RNF130: variants seen among roughly 807,000 people sequenced by gnomAD.
The protein encoded by RNF130 is E3 ubiquitin-protein ligase RNF130.
In RNF130, 21 loss-of-function variants were observed where a neutral mutation model predicts 44.6. The observed-to-expected ratio is 0.47, with a 90% CI of 0.33 to 0.68. RNF130 has a LOEUF of 0.68. Ranked by LOEUF, RNF130 falls within the 30% of genes least tolerant of loss-of-function variation. The probability of loss-of-function intolerance (pLI) is 0.02; values close to 1 mark genes in which losing one functional copy is unlikely to be tolerated. For missense variants in RNF130, 479 were observed against 560.6 expected (o/e 0.85, Z 1.47); for synonymous variants, 214 against 210.4 (o/e 1.02, Z -0.15).
At chr5:180,058,858 G>A (rs1356307591) in intron 1 of RNF130, among the ~76,000 whole-genome samples, 6 of 152,108 alleles carry the variant, frequency 3.9e-5, no homozygotes, top group Admixed American at 3.9e-4. Context: ...ACTGCACCCA[G>A]CTGGTATAAT....
At chr5:179,943,788 C>T (rs1049537781) in intron 7 of RNF130, among the ~76,000 whole-genome samples, 1 of 152,126 alleles carries the variant, frequency 6.6e-6, no homozygotes, top group African/African-American at 2.4e-5. Flanking sequence ...GTATATTTAA[C>T]AGTGATTAAA....
chr5:179,946,850 A>G (rs1762050510), intron 7 of RNF130, among the ~76,000 whole-genome samples: 2 of 152,130 alleles, frequency 1.3e-5, no homozygotes, highest in African/African-American at 4.8e-5. Context: ...CACCGCGCCC[A>G]GCACCATAGG....
At chr5:180,055,483 C>T (rs1418513083) in intron 1 of RNF130, among the ~76,000 whole-genome samples, 10 of 151,526 alleles carry the variant, frequency 6.6e-5, no homozygotes, top group South Asian at 6.3e-4. Context: ...CGCGCGCACG[C>T]GTATGTGTCT....
At chr5:179,994,547 T>C (rs1763160390) in intron 3 of RNF130, among the ~76,000 whole-genome samples, 2 of 152,160 alleles carry the variant, frequency 1.3e-5, no homozygotes, top group Non-Finnish European at 2.9e-5. Context: ...AGTAGGATTG[T>C]TTGACTTTGC....
At chr5:179,951,400 T>C (rs1157499141), downstream of RNF130, among the ~76,000 whole-genome samples, 1 of 151,750 alleles carries the variant, frequency 6.6e-6, no homozygotes, top group East Asian at 1.9e-4. Flanking sequence ...TTTTTTTTTT[T>C]TGAGATGGAG....
intron 8 of RNF130, among the ~76,000 whole-genome samples, chr5:179,957,904 G>A (rs184999253): frequency 0.025 from 3,788 of 150,166 alleles, 74 homozygotes; most frequent in Non-Finnish European, 0.04. Context: ...TTGAGACGGA[G>A]TCTCGCTCTG....
chr5:179,914,594 T>C (rs1267986738), exon 8 of RNF130: 1 of 152,056 alleles, frequency 6.6e-6, no homozygotes, highest in African/African-American at 2.4e-5. Flanking sequence ...CCTTGGGAGA[T>C]TCTGCCTCCA....
At chr5:179,965,998 C>T (rs1762434815) in intron 7 of RNF130, among the ~76,000 whole-genome samples, 1 of 152,126 alleles carries the variant, frequency 6.6e-6, no homozygotes, top group Non-Finnish European at 1.5e-5. Context: ...GGAAAGGCAA[C>T]AGCAGAGCAG....
intron 7 of RNF130, among the ~76,000 whole-genome samples, chr5:179,937,162 C>A (rs936746909): frequency 6.6e-6 from 1 of 152,112 alleles, no homozygotes; most frequent in Non-Finnish European, 1.5e-5. Context: ...AACGAAATAT[C>A]ATCAAAACGA....
chr5:180,014,830 A>G (rs1210698413), intron 2 of RNF130, among the ~76,000 whole-genome samples: 7 of 152,270 alleles, frequency 4.6e-5, no homozygotes, highest in Non-Finnish European at 1.5e-5. Flanking sequence ...TCACAAAAAC[A>G]GGAACATTAG....
At chr5:180,054,327 T>A (rs1466541569) in intron 1 of RNF130, among the ~76,000 whole-genome samples, 5 of 152,186 alleles carry the variant, frequency 3.3e-5, no homozygotes, top group Admixed American at 3.3e-4. Context: ...TCTAGGCACT[T>A]TGCATTATAT....
intron 5 of RNF130, among the ~76,000 whole-genome samples, chr5:179,971,183 T>TA (rs989340216): frequency 6.8e-4 from 103 of 152,182 alleles, no homozygotes; most frequent in African/African-American, 2.4e-3. Flanking sequence ...TTTGCATTCT[T>TA]AAAAAAAGGA....
intron 1 of RNF130, among the ~76,000 whole-genome samples, chr5:180,048,612 T>C (rs964662148): frequency 4.6e-5 from 7 of 152,154 alleles, no homozygotes; most frequent in African/African-American, 1.7e-4. Flanking sequence ...CACTCCACCC[T>C]GGGAGGCAGA....
At chr5:180,066,177 G>A (rs1218028574) in intron 1 of RNF130, among the ~76,000 whole-genome samples, 1 of 152,176 alleles carries the variant, frequency 6.6e-6, no homozygotes, top group African/African-American at 2.4e-5. Flanking sequence ...GGACCCAGTG[G>A]GAGATAACTG....
At chr5:179,995,659 AG>A (rs1763183993) in intron 3 of RNF130, among the ~76,000 whole-genome samples, 1 of 152,216 alleles carries the variant, frequency 6.6e-6, no homozygotes, top group African/African-American at 2.4e-5. Flanking sequence ...AGTAAGATCC[AG>A]GGCTTGGGAA....
chr5:180,000,182 C>T (rs1187189321), intron 3 of RNF130, among the ~76,000 whole-genome samples: 1 of 152,198 alleles, frequency 6.6e-6, no homozygotes, highest in Non-Finnish European at 1.5e-5. Flanking sequence ...ACACAGTATT[C>T]TTTCTTGGCT....
intron 2 of RNF130, among the ~76,000 whole-genome samples, chr5:180,035,746 T>C (rs938900723): frequency 1.3e-5 from 2 of 152,202 alleles, no homozygotes; most frequent in African/African-American, 2.4e-5. Context: ...TTTCCTTCAA[T>C]TGATTCTTCC....
intron 7 of RNF130, among the ~76,000 whole-genome samples, chr5:179,927,520 C>T (rs2113673598): frequency 6.6e-6 from 1 of 151,986 alleles, no homozygotes. Context: ...CGCCCAATCA[C>T]TATGTCCTCT....
chr5:179,920,978 T>C (rs1338534638), intron 7 of RNF130, among the ~76,000 whole-genome samples: 2 of 152,034 alleles, frequency 1.3e-5, no homozygotes, highest in African/African-American at 4.8e-5. Flanking sequence ...CGCACCCAAA[T>C]TGCACATACT....
Sources: allele counts gnomAD v4.1 joint callset (sites outside exome capture counted in the v4.1 genomes callset), GRCh38; gene constraint gnomAD v4.1.1; transcripts MANE v1.5; gene names NCBI Gene and HGNC (gene_info 2026-07-23, HGNC 2026-07-21).